CEACAM1: variants seen among roughly 807,000 people sequenced by gnomAD.
CEACAM1 encodes the protein CEA cell adhesion molecule 1, also known as cell adhesion molecule CEACAM1.
In CEACAM1, 31 loss-of-function variants were observed where a neutral mutation model predicts 49.1. The ratio of observed to expected loss-of-function variants is 0.63; its 90% CI spans 0.47 to 0.85. The LOEUF is 0.85. Ranked by LOEUF, CEACAM1 falls within the 40% of genes least tolerant of loss-of-function variation. CEACAM1 has a pLI of 0.00. For missense variants in CEACAM1, 570 were observed against 645.3 expected (o/e 0.88, Z 1.26); for synonymous variants, 244 against 247.8 (o/e 0.98, Z 0.14).
chr19:42,510,749 G>A (rs897372432), intron 8 of CEACAM1, 140 bp downstream of exon 8: 2 of 761,056 alleles, frequency 2.6e-6, no homozygotes, highest in Admixed American at 2.0e-5. Context: ...ACTCATGGGA[G>A]TGATTACAAA....
intron 2 of CEACAM1, among the ~76,000 whole-genome samples, chr19:42,526,252 G>A (rs2041886972): frequency 1.3e-5 from 2 of 152,118 alleles, no homozygotes; most frequent in African/African-American, 4.8e-5. Context: ...CACCGCTCCC[G>A]GCCGCAGCAT....
intron 2 of CEACAM1, 131 bp downstream of exon 2, chr19:42,526,910 C>T (rs1198601805): frequency 5.6e-6 from 8 of 1,419,312 alleles, no homozygotes; most frequent in Non-Finnish European, 7.7e-6. Context: ...GTGTGTCCTG[C>T]ACTAGATGCT....
At chr19:42,521,174 A>C in intron 4 of CEACAM1, 93 bp downstream of exon 4, 1 of 1,424,456 alleles carries the variant, frequency 7.0e-7, no homozygotes, top group Non-Finnish European at 9.7e-7. Context: ...TGTTGGATAC[A>C]GGCTGCAAAA....
chr19:42,513,004 C>T (rs41348545), intron 5 of CEACAM1, among the ~76,000 whole-genome samples: 15,665 of 152,166 alleles, frequency 0.1, 2,669 homozygotes, highest in African/African-American at 0.35. Context: ...CTCTCTTCTG[C>T]CAATTCCACC....
intron 5 of CEACAM1, among the ~76,000 whole-genome samples, chr19:42,517,489 A>G (rs147875807): frequency 9.8e-5 from 15 of 152,354 alleles, no homozygotes; most frequent in African/African-American, 3.4e-4. Context: ...AAAATCCCCA[A>G]ACAACCTAAT....
At position 42,508,759 on chromosome 19, in the gene CEACAM1, G is replaced by A. The variant is rs138145530; in HGVS notation, c.*350C>T. On this transcript the variant is annotated 3_prime_UTR_variant, in exon 9 of 9. Transcript: ENST00000161559. The stretch of plus-strand genomic sequence containing the variant: ...AATCCGAATTAGAGTGATAGGACAG[G>A]ACTGGGGGTGGGAAGGAATGAGTGC... The A allele has an allele frequency of 7.0e-5, 18 of 255,626 alleles. No individual in the cohort carries two copies. The East Asian group carries it at 2.1e-3, about 30-fold the overall frequency. The allele number at this position is 255,626 out of a possible 1,614,324, so 15.8% of individuals were successfully genotyped here.
intron 6 of CEACAM1, 127 bp from the exon 7 acceptor site, chr19:42,511,755 G>C: frequency 1.2e-6 from 1 of 812,552 alleles, no homozygotes; most frequent in East Asian, 2.5e-5. Context: ...TTTCTTCTGA[G>C]GGCCTCGTTC....
chr19:42,521,206 A>G lies in CEACAM1; in HGVS notation c.958+61T>C, dbSNP rs1383784736. 6.3e-6 allele frequency: 10 copies of G among 1,581,938 alleles called. No homozygotes were observed. The Middle Eastern group carries it at 5.1e-4, about 81-fold the overall frequency. On this transcript the variant is annotated intron_variant, in intron 4 of 8. Coordinates refer to ENST00000161559, the MANE Select transcript of CEACAM1 (RefSeq NM_001712.5). ...AAAAGAAAATTTCTTCTCTGCTCCT[A>G]TTTGAAAACCAGAAAGCTTGTACCC...
rs912452637 is a variant in CEACAM1 at position 42,507,532 on chromosome 19, G to C, written c.*1577C>G. 3 of 152,134 alleles carry C rather than the reference G, an allele frequency of 2.0e-5. No individual in the cohort carries two copies. Among genetic ancestry groups the C allele is most frequent in the African/African-American group, 7.2e-5 (3 of 41,424 alleles). The allele number at this position is 152,134 out of a possible 1,614,324, so 9.4% of individuals were successfully genotyped here. A position where few individuals can be genotyped will look rare whatever the true frequency, so the allele number is the denominator to read the frequency against. On this transcript the variant is annotated 3_prime_UTR_variant, in exon 9 of 9. Coordinates refer to ENST00000161559, the MANE Select transcript of CEACAM1 (RefSeq NM_001712.5). Reference sequence around the variant, plus strand: ...CCTCTTAGGCCTAACATGAGATCAGGTAAGCAATATAGAATAAAACCTTTC... The same window carrying C: ...CCTCTTAGGCCTAACATGAGATCAGCTAAGCAATATAGAATAAAACCTTTC...
intron 4 of CEACAM1, among the ~76,000 whole-genome samples, chr19:42,520,258 A>G (rs548118246): frequency 2.0e-5 from 3 of 152,312 alleles, no homozygotes; most frequent in Admixed American, 6.5e-5. Flanking sequence ...GTGCTATCCC[A>G]TGTGCTGTGC....
intron 6 of CEACAM1, 22 bp from the exon 7 acceptor site, chr19:42,511,650 T>C (rs1455715923): frequency 6.2e-7 from 1 of 1,611,934 alleles, no homozygotes; most frequent in Admixed American, 1.7e-5. Context: ...TCAGAAACTG[T>C]GACTGCTATT....
intron 4 of CEACAM1, 37 bp downstream of exon 4, chr19:42,521,230 C>T (rs766467980): frequency 6.2e-7 from 1 of 1,606,468 alleles, no homozygotes; most frequent in Non-Finnish European, 8.5e-7. Flanking sequence ...AAGCTTGTAC[C>T]CCAGATCTTA....
intron 5 of CEACAM1, among the ~76,000 whole-genome samples, chr19:42,513,611 C>T (rs1302609047): frequency 1.3e-5 from 2 of 151,176 alleles, no homozygotes. Context: ...AACAAACAAA[C>T]AAAAACTGCA....
chr19:42,525,780 G>C (rs2041875865), intron 2 of CEACAM1: 1 of 152,182 alleles, frequency 6.6e-6, no homozygotes, highest in African/African-American at 2.4e-5. Flanking sequence ...GTTACGGTCT[G>C]TGTGACCTTG....
At chr19:42,519,307 C>T in intron 4 of CEACAM1, 72 bp from the exon 5 acceptor site, 2 of 1,480,094 alleles carry the variant, frequency 1.4e-6, no homozygotes, top group East Asian at 2.3e-5. Flanking sequence ...GGGCTATGCT[C>T]CTTTCCCTGA....
chr19:42,521,337 G>A lies in CEACAM1; in HGVS notation c.888C>T (p.Ser296=), dbSNP rs550461015. 1 of 1,614,178 alleles carries A rather than the reference G, an allele frequency of 6.2e-7. No homozygotes were observed. Among genetic ancestry groups the A allele is most frequent in the African/African-American group, 1.3e-5 (1 of 75,054 alleles). Reference sequence around the variant, plus strand: ...CTGAGTTATTGGCGTGGCAGGTATAGGATCCACTATTATTCACAGTGATGT... The same window carrying A: ...CTGAGTTATTGGCGTGGCAGGTATAAGATCCACTATTATTCACAGTGATGT... ...IPNITVNNSG[S]YTCHANNSVT... is the part of the protein sequence containing the mutation. Residue 296 remains serine, a synonymous_variant, in exon 4 of 9, where the codon TCC becomes TCT. Coordinates refer to ENST00000161559, the MANE Select transcript of CEACAM1 (RefSeq NM_001712.5).
At chr19:42,521,082 G>C (rs1008245780) in intron 4 of CEACAM1, 185 bp downstream of exon 4, 15 of 692,146 alleles carry the variant, frequency 2.2e-5, no homozygotes, top group Non-Finnish European at 3.4e-5. Context: ...GGTCAGCTGT[G>C]AGAAATCAGA....
At chr19:42,519,504 T>C in intron 4 of CEACAM1, 1 of 422,036 alleles carries the variant, frequency 2.4e-6, no homozygotes. Context: ...TATCTCCACT[T>C]GGAATCTTCT....
At chr19:42,512,700 C>CA (rs2041490398) in intron 5 of CEACAM1, among the ~76,000 whole-genome samples, 1 of 146,358 alleles carries the variant, frequency 6.8e-6, no homozygotes, top group African/African-American at 2.6e-5. Flanking sequence ...TTTTTTGAGA[C>CA]AGAGTCTTGC....
Sources: allele counts gnomAD v4.1 joint callset (sites outside exome capture counted in the v4.1 genomes callset), GRCh38; gene constraint gnomAD v4.1.1; transcripts MANE v1.5; gene names NCBI Gene and HGNC (gene_info 2026-07-23, HGNC 2026-07-21).